Variants in PRELID2 observed in about 807,000 individuals in gnomAD.
PRELID2 encodes PRELI domain containing 2.
PRELID2 carries 25 observed loss-of-function variants against 28.4 expected under a neutral mutation model. That is an observed-to-expected ratio of 0.88 (90% CI 0.64 to 1.23). The LOEUF is 1.23. Among genes scored for constraint, PRELID2 ranks in the 50% most tolerant of loss-of-function variants. PRELID2 has a pLI of 0.00. For synonymous variants in PRELID2, 76 were observed against 71.6 expected (o/e 1.06, Z -0.31); for missense variants, 201 against 214.4 (o/e 0.94, Z 0.39).
the PRELID2 span, among the ~76,000 whole-genome samples, chr5:145,305,491 T>C: frequency 9.2e-5 from 14 of 152,100 alleles, no homozygotes; most frequent in Admixed American, 7.2e-4. Context: ...GACTGGAGGA[T>C]GCCAGGCACA....
chr5:145,247,332 C>T, the PRELID2 span, among the ~76,000 whole-genome samples: 1 of 151,924 alleles, frequency 6.6e-6, no homozygotes, highest in Non-Finnish European at 1.5e-5. Flanking sequence ...CGGTCTCCCA[C>T]ACAGTCAACT....
the PRELID2 span, among the ~76,000 whole-genome samples, chr5:145,376,544 G>T: frequency 1.3e-5 from 2 of 151,976 alleles, no homozygotes; most frequent in African/African-American, 4.8e-5. Context: ...TTTTTAGTTT[G>T]TAGGCTATTA....
intron 1 of PRELID2, among the ~76,000 whole-genome samples, chr5:145,483,634 C>G (rs565363190): frequency 6.6e-6 from 1 of 152,280 alleles, no homozygotes; most frequent in East Asian, 1.9e-4. Flanking sequence ...GACCACACAT[C>G]CAACAAGTGA....
At chr5:145,566,173 T>C (rs28490156) in intron 1 of PRELID2, among the ~76,000 whole-genome samples, 13,218 of 152,276 alleles carry the variant, frequency 0.087, 1,486 homozygotes, top group African/African-American at 0.26. Context: ...AAATAGCCCC[T>C]GTATCTCTAT....
intron 1 of PRELID2, among the ~76,000 whole-genome samples, chr5:145,682,881 T>A (rs60582580): frequency 6.6e-6 from 1 of 152,158 alleles, no homozygotes; most frequent in African/African-American, 2.4e-5. Flanking sequence ...TTTTCAACAC[T>A]GCTGGTTCCA....
intron 1 of PRELID2, among the ~76,000 whole-genome samples, chr5:145,827,141 A>C (rs1338084466): frequency 6.6e-6 from 1 of 152,222 alleles, no homozygotes; most frequent in East Asian, 1.9e-4. Context: ...CCGTGTTATA[A>C]GCATTAAGGG....
the PRELID2 span, among the ~76,000 whole-genome samples, chr5:145,242,549 T>C: frequency 6.6e-6 from 1 of 152,022 alleles, no homozygotes; most frequent in East Asian, 1.9e-4. Context: ...CACTAAGTAA[T>C]CTGCAGACTT....
chr5:145,345,635 T>A, the PRELID2 span, among the ~76,000 whole-genome samples: 1 of 152,100 alleles, frequency 6.6e-6, no homozygotes, highest in South Asian at 2.1e-4. Context: ...ACCTTTTCAT[T>A]TCAGCACCAC....
rs187172627 is a variant in PRELID2 at position 145,635,184 on chromosome 5, T to C, written n.70+129747A>G. On this transcript the variant is annotated intron_variant and non_coding_transcript_variant, in intron 1 of 2. Coordinates refer to the PRELID2 transcript ENST00000510259. ...TCTGTTTAGCACTTTGGGGTTTTTG[T>C]CTAGGATTGTTTGTGTCTGTCTCTT... Among the ~76,000 whole-genome samples the C allele has an allele frequency of 2.0e-5, 3 of 152,348 alleles. No homozygotes were observed. The East Asian group carries it at 5.8e-4, about 29-fold the overall frequency.
chr5:145,506,550 A>G (rs1752413184), intron 1 of PRELID2, among the ~76,000 whole-genome samples: 1 of 152,108 alleles, frequency 6.6e-6, no homozygotes, highest in Non-Finnish European at 1.5e-5. Context: ...GCGTAATAGG[A>G]GTACAAGAGA....
chr5:145,764,848 G>T, intron 6 of PRELID2, 83 bp downstream of exon 6: 3 of 950,940 alleles, frequency 3.2e-6, no homozygotes, highest in Non-Finnish European at 3.4e-6. Flanking sequence ...GAATAGCCCA[G>T]GGAGGCTGCT....
intron 4 of PRELID2, among the ~76,000 whole-genome samples, chr5:145,797,263 G>A (rs1752824550): frequency 6.6e-6 from 1 of 151,946 alleles, no homozygotes; most frequent in South Asian, 2.1e-4. Context: ...AAACCAAATT[G>A]CCTTTATGAG....
At chr5:145,748,513 T>C (rs1463467997) in intron 1 of PRELID2, among the ~76,000 whole-genome samples, 3 of 152,174 alleles carry the variant, frequency 2.0e-5, no homozygotes, top group South Asian at 2.1e-4. Context: ...TTCTCATGGA[T>C]AGGAAGAATC....
At chr5:145,331,712 A>G in the PRELID2 span, among the ~76,000 whole-genome samples, 1 of 151,726 alleles carries the variant, frequency 6.6e-6, no homozygotes, top group Admixed American at 6.6e-5. Flanking sequence ...ATGGGTCTTG[A>G]GTCTTTATCC....
the PRELID2 span, among the ~76,000 whole-genome samples, chr5:145,413,800 G>A: frequency 6.6e-6 from 1 of 151,936 alleles, no homozygotes; most frequent in South Asian, 2.1e-4. Context: ...TGCAGTGTTT[G>A]TCTTTCTGTT....
At chr5:145,614,214 G>A (rs1442538912) in intron 1 of PRELID2, among the ~76,000 whole-genome samples, 3 of 152,142 alleles carry the variant, frequency 2.0e-5, no homozygotes, top group East Asian at 1.9e-4. Flanking sequence ...CTGTTTTGGC[G>A]ACTATGGCCT....
chr5:145,827,321 C>T (rs2149883254), intron 1 of PRELID2, among the ~76,000 whole-genome samples: 1 of 152,158 alleles, frequency 6.6e-6, no homozygotes, highest in African/African-American at 2.4e-5. Flanking sequence ...GATTTTATAC[C>T]AAGACGAAAC....
In PRELID2 at chr5:145,685,487, A is replaced by T. The variant is rs1314394113; in HGVS notation, n.70+79444T>A. Among the ~76,000 whole-genome samples, 5 of 152,250 alleles carry T rather than the reference A, an allele frequency of 3.3e-5. No individual in the cohort carries two copies. In the East Asian group the frequency reaches 9.7e-4, roughly 29 times the overall value. On this transcript the variant is annotated intron_variant and non_coding_transcript_variant, in intron 1 of 2. Coordinates refer to the PRELID2 transcript ENST00000510259. Reference sequence around the variant, plus strand: ...AGAAGCCTTCTCTGGCATAGATAAGAATTTAGAGGACAAACCTAAACCTCA... The same window carrying T: ...AGAAGCCTTCTCTGGCATAGATAAGTATTTAGAGGACAAACCTAAACCTCA...
chr5:145,442,534 C>T, the PRELID2 span, among the ~76,000 whole-genome samples: 1 of 152,018 alleles, frequency 6.6e-6, no homozygotes, highest in East Asian at 1.9e-4. Context: ...AGGGGTGTCA[C>T]CGCCTTTTGG....
Sources: gnomAD v4.1 joint callset for allele counts (sites outside exome capture counted in the v4.1 genomes callset) on GRCh38, gnomAD v4.1.1 for gene constraint, MANE v1.5 for transcripts, NCBI Gene and HGNC (gene_info 2026-07-23, HGNC 2026-07-21) for gene names.